Variants in UNC5C observed in about 807,000 individuals in gnomAD.
UNC5C encodes the protein unc-5 netrin receptor C, also known as netrin receptor UNC5C.
A neutral mutation model predicts 99.8 loss-of-function variants in UNC5C; 47 were observed. The observed-to-expected ratio is 0.47, with a 90% confidence interval of 0.37 to 0.60. UNC5C has a LOEUF of 0.60. Ranked by LOEUF, UNC5C falls within the 20% of genes least tolerant of loss-of-function variation. UNC5C has a pLI of 0.00. For synonymous variants in UNC5C, 487 were observed against 452.2 expected, an observed-to-expected ratio of 1.08 and a Z score of -0.98; for missense variants, 1,062 against 1,165.9, an observed-to-expected ratio of 0.91 and a Z score of 1.30.
chr4:95,329,884 A>G (rs1743045168), intron 2 of UNC5C, among the ~76,000 whole-genome samples: 1 of 152,142 alleles, frequency 6.6e-6, no homozygotes, highest in Non-Finnish European at 1.5e-5. Flanking sequence ...CCAACCAACC[A>G]ACTGCCAAAT....
chr4:95,380,651 C>A (rs912483301), intron 1 of UNC5C, among the ~76,000 whole-genome samples: 1 of 152,190 alleles, frequency 6.6e-6, no homozygotes, highest in East Asian at 1.9e-4. Flanking sequence ...AAAACAAAAA[C>A]CCTGCGAACT....
intron 2 of UNC5C, among the ~76,000 whole-genome samples, chr4:95,327,228 G>T (rs1419718738): frequency 6.6e-6 from 1 of 151,944 alleles, no homozygotes; most frequent in East Asian, 1.9e-4. Flanking sequence ...TATTTCAATT[G>T]CATTCACAAT....
intron 1 of UNC5C, among the ~76,000 whole-genome samples, chr4:95,531,400 G>T (rs1258209651): frequency 2.0e-5 from 3 of 152,166 alleles, no homozygotes; most frequent in African/African-American, 7.2e-5. Context: ...CCAGTGCACA[G>T]CTCTCTGCGG....
intron 1 of UNC5C, among the ~76,000 whole-genome samples, chr4:95,411,849 C>G (rs1302537732): frequency 1.3e-5 from 2 of 152,138 alleles, no homozygotes; most frequent in African/African-American, 2.4e-5. Context: ...CCCTCTCCTG[C>G]CTGTATCCAC....
intron 1 of UNC5C, among the ~76,000 whole-genome samples, chr4:95,445,195 T>G (rs1747062709): frequency 6.6e-6 from 1 of 152,218 alleles, no homozygotes; most frequent in Non-Finnish European, 1.5e-5. Context: ...GGGGATGATT[T>G]GTAAATTAAA....
In UNC5C at chr4:95,168,140, A is replaced by G. The variant is rs1406622225; in HGVS notation, c.*1094T>C. The G allele has an allele frequency of 6.6e-6, 1 of 152,220 alleles. No homozygotes were observed. The highest frequency in any genetic ancestry group is 1.9e-4 in the East Asian group (1 of 5,182). The allele number at this position is 152,220 out of a possible 1,614,324, so 9.4% of individuals were successfully genotyped here. A position where few individuals can be genotyped will look rare whatever the true frequency, so the allele number is the denominator to read the frequency against. ...CAATATTAAGTGAACTTAATAGAGA[A>G]CACGTCTCCTTAAGACTCCTCAGAG... On this transcript the variant is annotated 3_prime_UTR_variant, in exon 16 of 16. Transcript: ENST00000453304.
At chr4:95,463,042 T>C (rs1220423362) in intron 1 of UNC5C, among the ~76,000 whole-genome samples, 1 of 152,128 alleles carries the variant, frequency 6.6e-6, no homozygotes, top group Non-Finnish European at 1.5e-5. Context: ...GTGGGGAAGG[T>C]AGTCTTCCAG....
intron 1 of UNC5C, among the ~76,000 whole-genome samples, chr4:95,414,623 G>C (rs1262776311): frequency 6.6e-6 from 1 of 152,196 alleles, no homozygotes; most frequent in African/African-American, 2.4e-5. Context: ...TGAACACTTC[G>C]TGATGTCAGC....
intron 1 of UNC5C, among the ~76,000 whole-genome samples, chr4:95,456,504 T>C (rs887010812): frequency 2.0e-5 from 3 of 152,144 alleles, no homozygotes; most frequent in African/African-American, 7.2e-5. Flanking sequence ...ATTAATTTGG[T>C]TCTAGTGTTC....
chr4:95,251,133 AG>A (rs1291878511), intron 4 of UNC5C, among the ~76,000 whole-genome samples: 1 of 152,262 alleles, frequency 6.6e-6, no homozygotes, highest in Non-Finnish European at 1.5e-5. Flanking sequence ...TATTTTTAAA[AG>A]CACAAAAGGC....
rs777197285 is a variant in UNC5C at position 95,206,714 on chromosome 4, C to T, written c.1816G>A (p.Val606Ile). The change falls in exon 11 of 16, where the codon GTC becomes ATC. Residue 606 changes from valine (V) to isoleucine (I), a missense_variant. Transcript: ENST00000453304. ...PPGALLTRPVVLTMHHCADPN... is the reference protein window; with the variant it reads ...PPGALLTRPVILTMHHCADPN... Reference sequence around the variant, plus strand: ...TCTGCGCAGTGATGCATAGTGAGGACGACTGGGCGGGTGAGCAGAGCTCCT... The same window carrying T: ...TCTGCGCAGTGATGCATAGTGAGGATGACTGGGCGGGTGAGCAGAGCTCCT... 4.0e-5 allele frequency: 64 copies of T among 1,613,852 alleles called. 1 individual carries two copies. In the South Asian group the frequency reaches 5.7e-4, roughly 14 times the overall value.
At chr4:95,262,313 A>G (rs1740270999) in intron 4 of UNC5C, among the ~76,000 whole-genome samples, 1 of 152,178 alleles carries the variant, frequency 6.6e-6, no homozygotes. Context: ...TCGCTATGTA[A>G]TTTTTGACCT....
chr4:95,407,861 A>C (rs1745872942), intron 1 of UNC5C, among the ~76,000 whole-genome samples: 1 of 152,214 alleles, frequency 6.6e-6, no homozygotes, highest in Non-Finnish European at 1.5e-5. Flanking sequence ...GTGAAATTGC[A>C]ATTTGCAATA....
chr4:95,201,081 A>G (rs529339058), intron 12 of UNC5C, among the ~76,000 whole-genome samples: 1 of 152,292 alleles, frequency 6.6e-6, no homozygotes, highest in African/African-American at 2.4e-5. Context: ...CCATGCTGGC[A>G]TCTTGATCTC....
intron 1 of UNC5C, among the ~76,000 whole-genome samples, chr4:95,385,319 T>C (rs1745183993): frequency 6.6e-6 from 1 of 152,216 alleles, no homozygotes; most frequent in South Asian, 2.1e-4. Flanking sequence ...TGCAGAAAGA[T>C]GGATAAACCC....
chr4:95,530,259 A>G (rs1286636176), intron 1 of UNC5C, among the ~76,000 whole-genome samples: 2 of 152,196 alleles, frequency 1.3e-5, no homozygotes, highest in South Asian at 4.1e-4. Context: ...ATTTGTTTTC[A>G]TAATGATAAA....
chr4:95,288,077 T>TA (rs1553960811), intron 3 of UNC5C, among the ~76,000 whole-genome samples: 1 of 149,368 alleles, frequency 6.7e-6, no homozygotes, highest in Admixed American at 6.7e-5. Flanking sequence ...TTTATTTATT[T>TA]ATTTATTTAT....
chr4:95,185,569 CTGAT>C (rs879855495), intron 12 of UNC5C, among the ~76,000 whole-genome samples: 9 of 152,038 alleles, frequency 5.9e-5, no homozygotes, highest in African/African-American at 7.2e-5. Flanking sequence ...TGTAGACAAA[CTGAT>C]TGATAAGAAA....
intron 3 of UNC5C, among the ~76,000 whole-genome samples, chr4:95,284,360 CTG>C (rs1741160202): frequency 6.6e-6 from 1 of 152,102 alleles, no homozygotes; most frequent in South Asian, 2.1e-4. Context: ...ACTGAACAGA[CTG>C]AGATTTTAAA....
Sources: gnomAD v4.1 joint callset for allele counts (sites outside exome capture counted in the v4.1 genomes callset) on GRCh38, gnomAD v4.1.1 for gene constraint, MANE v1.5 for transcripts, NCBI Gene and HGNC (gene_info 2026-07-23, HGNC 2026-07-21) for gene names.